The following EYS variants were observed in gnomAD, a reference collection of about 807,000 sequenced individuals.
EYS encodes EGF-like photoreceptor maintenance factor.
A neutral mutation model predicts 282.1 loss-of-function variants in EYS; 250 were observed. The observed-to-expected ratio is 0.89, with a 90% CI of 0.80 to 0.98. The LOEUF is 0.98. Among genes scored for constraint, EYS ranks in the 50% least tolerant of loss-of-function variants. The pLI, the probability that EYS is intolerant of heterozygous loss-of-function variation, is 0.00. For synonymous variants in EYS, 1,355 were observed against 1,282.9 expected, an observed-to-expected ratio of 1.06 and a Z score of -1.20; for missense variants, 4,016 against 3,709.0, an observed-to-expected ratio of 1.08 and a Z score of -2.15.
chr6:63,830,263 G>A (rs764248539), intron 36 of EYS, among the ~76,000 whole-genome samples: 6 of 151,992 alleles, frequency 3.9e-5, no homozygotes, highest in Non-Finnish European at 7.4e-5. Flanking sequence ...GCTATTTACA[G>A]ACTCCTCCCA....
At chr6:64,129,292 C>A (rs796576396) in intron 31 of EYS, among the ~76,000 whole-genome samples, 7 of 152,270 alleles carry the variant, frequency 4.6e-5, no homozygotes, top group African/African-American at 1.7e-4. Flanking sequence ...CCTGTTGTTT[C>A]CTGACATTTT....
intron 13 of EYS, among the ~76,000 whole-genome samples, chr6:65,033,622 G>T (rs184759641): frequency 6.6e-6 from 1 of 152,134 alleles, no homozygotes; most frequent in Admixed American, 6.6e-5. Context: ...GCCTGTAGGG[G>T]CACAGAATAC....
intron 6 of EYS, 51 bp downstream of exon 6, chr6:65,405,123 A>G: frequency 7.7e-7 from 1 of 1,297,672 alleles, no homozygotes; most frequent in Non-Finnish European, 1.1e-6. Flanking sequence ...TTGCTTGGTA[A>G]TAGTAAAAAA....
rs115281262 is a variant in EYS at position 65,662,535 on chromosome 6, T to C, written c.-447-22643A>G. ...ATACTTATACAATTGCAATTAATAT[T>C]TGCTTTATTTTAATCTACCATAAAA... On this transcript the variant is annotated intron_variant, in intron 1 of 42. Transcript: ENST00000503581. 5.0e-3 allele frequency among the ~76,000 whole-genome samples: 754 copies of C among 152,306 alleles called. 6 individuals are homozygous for C. Among genetic ancestry groups the C allele is most frequent in the African/African-American group, 0.017 (712 of 41,570 alleles).
intron 10 of EYS, among the ~76,000 whole-genome samples, chr6:65,338,108 C>T (rs1770056592): frequency 1.3e-5 from 2 of 151,164 alleles, no homozygotes; most frequent in Non-Finnish European, 1.5e-5. Flanking sequence ...GGTTGAAATA[C>T]TTTTATTAAA....
chr6:65,111,598 T>A (rs1480696043), intron 12 of EYS, among the ~76,000 whole-genome samples: 3 of 152,030 alleles, frequency 2.0e-5, no homozygotes, highest in Non-Finnish European at 4.4e-5. Flanking sequence ...CTGTAATCCC[T>A]CCCTATTGGG....
At position 65,311,921 on chromosome 6, in the gene EYS, T is replaced by C. The variant is rs1174681539; in HGVS notation, c.1767-15802A>G. The stretch of plus-strand genomic sequence containing the variant: ...GGTATAAGTATGTCCTATGCATAAG[T>C]ATGTAGGGGTACCGTTTTGCTAAAA... On this transcript the variant is annotated intron_variant, in intron 11 of 42. Coordinates refer to ENST00000503581, the MANE Select transcript of EYS (RefSeq NM_001142800.2). Among the ~76,000 whole-genome samples the C allele has an allele frequency of 2.6e-5, 4 of 152,208 alleles. No individual in the cohort carries two copies. The East Asian group carries it at 7.7e-4, about 29-fold the overall frequency.
chr6:64,703,429 A>ATATTTTTTTTTTT lies in EYS; in HGVS notation c.3444-77185_3444-77184insAAAAAAAAAAATA, dbSNP rs869208549. Among the ~76,000 whole-genome samples, 87 of 23,360 alleles carry ATATTTTTTTTTTT rather than the reference A, an allele frequency of 3.7e-3. 11 individuals carry two copies. The highest frequency in any genetic ancestry group is 6.5e-3 in the Non-Finnish European group (58 of 8,980). 15.3% of individuals were successfully genotyped at this position (23,360 alleles called of 152,430 possible). A position where few individuals can be genotyped will look rare whatever the true frequency, so the allele number is the denominator to read the frequency against. ...CACACACATATATATATATATATAT[A>ATATTTTTTTTTTT]TTTTTTTTTTTTTTTTTTGAGATGG... On this transcript the variant is annotated intron_variant, in intron 22 of 42. Coordinates refer to ENST00000503581, the MANE Select transcript of EYS (RefSeq NM_001142800.2).
chr6:65,502,116 A>T (rs1766474566), intron 2 of EYS, among the ~76,000 whole-genome samples: 1 of 151,760 alleles, frequency 6.6e-6, no homozygotes, highest in Non-Finnish European at 1.5e-5. Flanking sequence ...CTGTCATTGA[A>T]ATTAAGATAG....
intron 29 of EYS, among the ~76,000 whole-genome samples, chr6:64,343,963 G>T (rs1771250357): frequency 6.6e-6 from 1 of 152,076 alleles, no homozygotes; most frequent in Non-Finnish European, 1.5e-5. Flanking sequence ...TAGAAGAAAT[G>T]GATAAATTCC....
At chr6:65,081,813 T>C (rs1009058981) in intron 12 of EYS, among the ~76,000 whole-genome samples, 1 of 152,110 alleles carries the variant, frequency 6.6e-6, no homozygotes, top group African/African-American at 2.4e-5. Flanking sequence ...TAACAAGAAC[T>C]GCTGAAAACC....
intron 24 of EYS, among the ~76,000 whole-genome samples, chr6:64,602,077 C>A (rs1020852126): frequency 1.3e-5 from 2 of 151,974 alleles, no homozygotes; most frequent in African/African-American, 4.8e-5. Flanking sequence ...GTAACTTTTT[C>A]TTTTCCTTCT....
chr6:64,850,278 TC>T (rs2150041185), intron 19 of EYS, among the ~76,000 whole-genome samples: 1 of 152,126 alleles, frequency 6.6e-6, no homozygotes, highest in South Asian at 2.1e-4. Context: ...CCTTATAATT[TC>T]CCCCAGCCTT....
intron 31 of EYS, among the ~76,000 whole-genome samples, chr6:64,189,322 A>G (rs1194518288): frequency 2.0e-5 from 3 of 152,222 alleles, no homozygotes; most frequent in Non-Finnish European, 4.4e-5. Context: ...TGCCCCACCC[A>G]TGAGCTAAGA....
chr6:64,963,687 A>T (rs1354899493), intron 14 of EYS, among the ~76,000 whole-genome samples: 2 of 152,212 alleles, frequency 1.3e-5, no homozygotes, highest in Admixed American at 6.5e-5. Flanking sequence ...ATAGAGACAC[A>T]CCAAGTAGAA....
chr6:65,110,489 G>A (rs1299889773), intron 12 of EYS, among the ~76,000 whole-genome samples: 2 of 152,066 alleles, frequency 1.3e-5, no homozygotes, highest in African/African-American at 4.8e-5. Context: ...TAGAGGGCAA[G>A]GACATTTGAA....
At chr6:64,344,658 T>C (rs1771296847) in intron 29 of EYS, among the ~76,000 whole-genome samples, 1 of 152,104 alleles carries the variant, frequency 6.6e-6, no homozygotes, top group East Asian at 1.9e-4. Flanking sequence ...ATGCCCTCTC[T>C]CACCACTCCT....
chr6:65,664,905 T>C (rs931035882), intron 1 of EYS, among the ~76,000 whole-genome samples: 4 of 152,138 alleles, frequency 2.6e-5, no homozygotes, highest in Non-Finnish European at 4.4e-5. Flanking sequence ...TTCAACGTTC[T>C]CATCCCAGTA....
At chr6:65,523,685 CT>C (rs773534771) in intron 2 of EYS, among the ~76,000 whole-genome samples, 1 of 151,946 alleles carries the variant, frequency 6.6e-6, no homozygotes, top group Non-Finnish European at 1.5e-5. Context: ...TTAAAAATAA[CT>C]TTTTTTAAAA....
Sources: allele counts gnomAD v4.1 joint callset (sites outside exome capture counted in the v4.1 genomes callset), GRCh38; gene constraint gnomAD v4.1.1; transcripts MANE v1.5; gene names NCBI Gene and HGNC (gene_info 2026-07-23, HGNC 2026-07-21).